The following GMDS variants were observed in gnomAD, a reference collection of about 807,000 sequenced individuals.
GMDS encodes GDP-mannose 4,6-dehydratase.
Under a neutral mutation model 49.9 loss-of-function variants are expected in GMDS, and 20 were observed. That is an observed-to-expected ratio of 0.40 (90% CI 0.28 to 0.58). The LOEUF is 0.58. GMDS is among the 20% of genes least tolerant of loss of function. The pLI, the probability that GMDS is intolerant of heterozygous loss-of-function variation, is 0.42. For synonymous variants in GMDS, 177 were observed against 178.6 expected, an observed-to-expected ratio of 0.99 and a Z score of 0.07; for missense variants, 362 against 481.4, an observed-to-expected ratio of 0.75 and a Z score of 2.32.
At chr6:2,025,950 G>GA (rs918164258) in intron 4 of GMDS, among the ~76,000 whole-genome samples, 2 of 152,116 alleles carry the variant, frequency 1.3e-5, no homozygotes, top group African/African-American at 4.8e-5. Context: ...TTAAAAAAAA[G>GA]ATTTTTAACT....
intron 6 of GMDS, among the ~76,000 whole-genome samples, chr6:1,941,022 T>C (rs983899890): frequency 1.3e-5 from 2 of 151,802 alleles, no homozygotes; most frequent in African/African-American, 4.8e-5. Flanking sequence ...TTGAGAACCA[T>C]GGCCTTAGTC....
At chr6:1,845,404 T>C (rs986640041) in intron 7 of GMDS, among the ~76,000 whole-genome samples, 1 of 152,198 alleles carries the variant, frequency 6.6e-6, no homozygotes, top group African/African-American at 2.4e-5. Flanking sequence ...ATATAAAACA[T>C]AGATCTTGTA....
chr6:2,034,831 C>T (rs1273579953), intron 4 of GMDS, among the ~76,000 whole-genome samples: 3 of 152,144 alleles, frequency 2.0e-5, no homozygotes, highest in Non-Finnish European at 4.4e-5. Flanking sequence ...TAAAACACAC[C>T]AAATGCAGAA....
chr6:1,915,745 C>T (rs1442211083), intron 7 of GMDS, among the ~76,000 whole-genome samples: 2 of 152,188 alleles, frequency 1.3e-5, no homozygotes, highest in East Asian at 1.9e-4. Flanking sequence ...CTTATGTTTT[C>T]CCTCTAGTGA....
At chr6:1,743,453 G>T (rs1035135367) in intron 7 of GMDS, among the ~76,000 whole-genome samples, 15 of 148,338 alleles carry the variant, frequency 1.0e-4, no homozygotes, top group African/African-American at 3.7e-4. Context: ...TGAGGCAGGA[G>T]AATGGCGTGA....
At chr6:2,111,396 A>T (rs1384311799) in intron 4 of GMDS, among the ~76,000 whole-genome samples, 1 of 152,210 alleles carries the variant, frequency 6.6e-6, no homozygotes, top group Admixed American at 6.5e-5. Context: ...CCTTTCAATG[A>T]CCTACTTCAT....
chr6:1,886,367 C>T (rs1759607051), intron 7 of GMDS, among the ~76,000 whole-genome samples: 1 of 152,114 alleles, frequency 6.6e-6, no homozygotes, highest in African/African-American at 2.4e-5. Flanking sequence ...AAAAATGTCA[C>T]ATATCATAGA....
At chr6:1,649,912 C>G (rs898145285) in intron 9 of GMDS, among the ~76,000 whole-genome samples, 1 of 152,208 alleles carries the variant, frequency 6.6e-6, no homozygotes, top group Non-Finnish European at 1.5e-5. Context: ...TTCTAAATCC[C>G]TCTGTCAAGA....
intron 1 of GMDS, among the ~76,000 whole-genome samples, chr6:2,207,462 A>T (rs569177466): frequency 4.6e-5 from 7 of 152,070 alleles, no homozygotes; most frequent in African/African-American, 1.7e-4. Context: ...CCCAAATAAT[A>T]TAGGGATTGT....
chr6:1,903,260 C>T (rs951673922), intron 7 of GMDS, among the ~76,000 whole-genome samples: 17 of 152,286 alleles, frequency 1.1e-4, no homozygotes, highest in African/African-American at 2.9e-4. Context: ...AATATGATCA[C>T]GATATAGGGT....
intron 4 of GMDS, among the ~76,000 whole-genome samples, chr6:1,967,723 C>T (rs146060777): frequency 1.4e-3 from 214 of 152,118 alleles, no homozygotes; most frequent in African/African-American, 4.6e-3. Context: ...GCCTCAGGGG[C>T]GAGTAGCAAA....
intron 9 of GMDS, among the ~76,000 whole-genome samples, chr6:1,700,646 G>A (rs1388858875): frequency 1.3e-5 from 2 of 152,204 alleles, no homozygotes; most frequent in African/African-American, 2.4e-5. Flanking sequence ...CTGATTTGAG[G>A]AGAGAGATGG....
chr6:1,889,063 T>C (rs1276916697), intron 7 of GMDS, among the ~76,000 whole-genome samples: 2 of 152,220 alleles, frequency 1.3e-5, no homozygotes, highest in Non-Finnish European at 2.9e-5. Context: ...TTTAAAAATA[T>C]ATATGTATAT....
intron 9 of GMDS, among the ~76,000 whole-genome samples, chr6:1,700,126 T>C (rs916378767): frequency 2.0e-5 from 3 of 152,228 alleles, no homozygotes. Context: ...TGTCCCTGCA[T>C]ACTAATTTTG....
chr6:1,631,142 T>C (rs1181675377), intron 9 of GMDS, among the ~76,000 whole-genome samples: 1 of 152,162 alleles, frequency 6.6e-6, no homozygotes, highest in African/African-American at 2.4e-5. Context: ...GCACCCTGGA[T>C]ACAAGAGGAA....
chr6:1,944,515 T>C (rs183842633), intron 6 of GMDS, among the ~76,000 whole-genome samples: 1,629 of 90,618 alleles, frequency 0.018, 33 homozygotes, highest in Non-Finnish European at 0.016. Flanking sequence ...AAAAAATATA[T>C]ATATATTAGC....
intron 9 of GMDS, among the ~76,000 whole-genome samples, chr6:1,696,369 T>C (rs992266719): frequency 1.3e-5 from 2 of 152,228 alleles, no homozygotes; most frequent in African/African-American, 4.8e-5. Flanking sequence ...TTGCTAATCC[T>C]TGCAAAACCA....
chr6:2,066,728 T>C (rs1771620232), intron 4 of GMDS, among the ~76,000 whole-genome samples: 1 of 152,156 alleles, frequency 6.6e-6, no homozygotes, highest in South Asian at 2.1e-4. Flanking sequence ...CCTAAATATA[T>C]ATGCGCCCAA....
At chr6:2,219,579 T>A (rs985565038) in intron 1 of GMDS, among the ~76,000 whole-genome samples, 1 of 152,080 alleles carries the variant, frequency 6.6e-6, no homozygotes, top group African/African-American at 2.4e-5. Flanking sequence ...TAAAAAAAAA[T>A]GATTAGATGT....
Sources: allele counts gnomAD v4.1 joint callset (sites outside exome capture counted in the v4.1 genomes callset), GRCh38; gene constraint gnomAD v4.1.1; transcripts MANE v1.5; gene names NCBI Gene and HGNC (gene_info 2026-07-23, HGNC 2026-07-21).